Variants in ABTB3 observed in about 807,000 individuals in gnomAD.
ABTB3 encodes ankyrin repeat and BTB domain containing 3, also known as ankyrin repeat- and BTB/POZ domain-containing protein 3.
the ABTB3 span, among the ~76,000 whole-genome samples, chr12:107,395,721 C>A: frequency 6.6e-6 from 1 of 152,324 alleles, no homozygotes; most frequent in South Asian, 2.1e-4. Flanking sequence ...CAGTGGGGGC[C>A]AGCTCTGGTC....
the ABTB3 span, among the ~76,000 whole-genome samples, chr12:107,429,410 A>G: frequency 1.3e-5 from 2 of 152,086 alleles, no homozygotes; most frequent in African/African-American, 2.4e-5. Context: ...TAAAATTTTC[A>G]TTTTCTTTCC....
the ABTB3 span, among the ~76,000 whole-genome samples, chr12:107,461,307 G>A: frequency 1.3e-5 from 2 of 152,158 alleles, no homozygotes; most frequent in African/African-American, 4.8e-5. Flanking sequence ...CTGGATTAAG[G>A]TGGACCCTAA....
the ABTB3 span, among the ~76,000 whole-genome samples, chr12:107,360,600 G>A: frequency 5.9e-5 from 9 of 152,298 alleles, no homozygotes; most frequent in Middle Eastern, 3.4e-3. Flanking sequence ...AGTAGAGTCT[G>A]AGCAATCAGC....
the ABTB3 span, among the ~76,000 whole-genome samples, chr12:107,526,541 G>T: frequency 6.6e-6 from 1 of 152,048 alleles, no homozygotes; most frequent in Non-Finnish European, 1.5e-5. Flanking sequence ...CCTTGTCTTG[G>T]CTCTTCTGCC....
chr12:107,388,290 C>T, the ABTB3 span, among the ~76,000 whole-genome samples: 1 of 151,678 alleles, frequency 6.6e-6, no homozygotes, highest in Admixed American at 6.6e-5. Context: ...TTCTTTCTCC[C>T]TTCTCTGCCT....
chr12:107,344,913 C>T, the ABTB3 span, among the ~76,000 whole-genome samples: 1 of 152,190 alleles, frequency 6.6e-6, no homozygotes, highest in South Asian at 2.1e-4. Flanking sequence ...CTTTTAAAAT[C>T]ACCCTGGTGG....
At chr12:107,430,971 T>C in the ABTB3 span, among the ~76,000 whole-genome samples, 1 of 152,236 alleles carries the variant, frequency 6.6e-6, no homozygotes, top group African/African-American at 2.4e-5. Context: ...TTAAAGATTA[T>C]GTTTACTTTA....
At chr12:107,348,978 G>T in the ABTB3 span, among the ~76,000 whole-genome samples, 3 of 152,166 alleles carry the variant, frequency 2.0e-5, no homozygotes, top group Non-Finnish European at 4.4e-5. Flanking sequence ...GAGCATATTT[G>T]AACTGTCTTG....
chr12:107,331,390 T>G, the ABTB3 span, among the ~76,000 whole-genome samples: 1 of 152,148 alleles, frequency 6.6e-6, no homozygotes, highest in Non-Finnish European at 1.5e-5. Context: ...CCCATGACAG[T>G]TGCTCCGCGG....
chr12:107,623,028 C>T, the ABTB3 span, among the ~76,000 whole-genome samples: 1 of 150,914 alleles, frequency 6.6e-6, no homozygotes, highest in South Asian at 2.1e-4. Flanking sequence ...TTTTTGAATA[C>T]ATCTGTTTAA....
At chr12:107,320,200 C>T in the ABTB3 span, 1 of 1,303,352 alleles carries the variant, frequency 7.7e-7, no homozygotes, top group Non-Finnish European at 9.8e-7. Context: ...GCTGAGGAGG[C>T]GGCCGGGCTG....
At chr12:107,538,221 G>T in the ABTB3 span, among the ~76,000 whole-genome samples, 5 of 152,250 alleles carry the variant, frequency 3.3e-5, no homozygotes, top group Non-Finnish European at 5.9e-5. Flanking sequence ...GGGCAGCGTG[G>T]TGTGGGGGAG....
At chr12:107,319,088 A>T in the ABTB3 span, 1 of 1,607,624 alleles carries the variant, frequency 6.2e-7, no homozygotes, top group South Asian at 1.1e-5. Context: ...GTATGGCGGG[A>T]GCTGCTGGCC....
the ABTB3 span, among the ~76,000 whole-genome samples, chr12:107,347,436 C>A: frequency 2.0e-5 from 3 of 152,058 alleles, no homozygotes; most frequent in Non-Finnish European, 4.4e-5. Flanking sequence ...ATCAGGAACC[C>A]AGGAAGGGCT....
the ABTB3 span, among the ~76,000 whole-genome samples, chr12:107,645,634 A>C: frequency 6.6e-6 from 1 of 152,180 alleles, no homozygotes; most frequent in Non-Finnish European, 1.5e-5. Context: ...GTGTTCCCCC[A>C]GTGCTCATGA....
chr12:107,369,839 A>G, the ABTB3 span, among the ~76,000 whole-genome samples: 1 of 145,936 alleles, frequency 6.9e-6, no homozygotes, highest in South Asian at 2.2e-4. Flanking sequence ...TGAGTAGGGG[A>G]GCCCTGATGA....
the ABTB3 span, chr12:107,320,732 C>A: frequency 2.2e-6 from 1 of 454,340 alleles, no homozygotes; most frequent in Non-Finnish European, 4.4e-6. Context: ...GTGGGGGCTG[C>A]GGGATGGACA....
chr12:107,480,523 T>C, the ABTB3 span, among the ~76,000 whole-genome samples: 3 of 152,166 alleles, frequency 2.0e-5, no homozygotes, highest in African/African-American at 4.8e-5. Flanking sequence ...TAGTGAAAAG[T>C]AGAGCCCAAA....
At chr12:107,508,010 T>C in the ABTB3 span, among the ~76,000 whole-genome samples, 9 of 152,304 alleles carry the variant, frequency 5.9e-5, no homozygotes, top group Middle Eastern at 3.4e-3. Context: ...TGTTTTAATT[T>C]TCATTGAAGT....
Sources: allele counts gnomAD v4.1 joint callset (sites outside exome capture counted in the v4.1 genomes callset), GRCh38; gene constraint gnomAD v4.1.1; transcripts MANE v1.5; gene names NCBI Gene and HGNC (gene_info 2026-07-23, HGNC 2026-07-21).